FAM135B: variants seen among roughly 807,000 people sequenced by gnomAD.
FAM135B encodes the protein family with sequence similarity 135 member B, also known as protein FAM135B.
Under a neutral mutation model 127.7 loss-of-function variants are expected in FAM135B, and 43 were observed. That is an observed-to-expected ratio of 0.34 (90% CI 0.26 to 0.43). FAM135B has a LOEUF of 0.43. Ranked by LOEUF, FAM135B falls within the 20% of genes least tolerant of loss-of-function variation. The probability of loss-of-function intolerance (pLI) is 1.00; values close to 1 mark genes in which losing one functional copy is unlikely to be tolerated. For missense variants in FAM135B, 1,558 were observed against 1,725.6 expected (o/e 0.90, Z 1.72); for synonymous variants, 670 against 665.1 (o/e 1.01, Z -0.11).
intron 2 of FAM135B, chr8:138,367,258 C>A (rs2131212003): frequency 2.7e-6 from 1 of 369,996 alleles, no homozygotes; most frequent in South Asian, 2.0e-5. Flanking sequence ...AAAGTAGTAG[C>A]AATCATCATG....
intron 1 of FAM135B, among the ~76,000 whole-genome samples, chr8:138,472,036 G>A (rs1218247033): frequency 1.3e-5 from 2 of 152,062 alleles, no homozygotes; most frequent in African/African-American, 2.4e-5. Context: ...CTGGTGATTT[G>A]CAAAAGGGCA....
At chr8:138,488,256 T>G (rs552404431) in intron 1 of FAM135B, among the ~76,000 whole-genome samples, 1 of 152,308 alleles carries the variant, frequency 6.6e-6, no homozygotes, top group African/African-American at 2.4e-5. Context: ...GACAAACATT[T>G]ATTGCACGCT....
At chr8:138,485,159 C>T (rs1814936861) in intron 1 of FAM135B, among the ~76,000 whole-genome samples, 1 of 152,174 alleles carries the variant, frequency 6.6e-6, no homozygotes, top group Non-Finnish European at 1.5e-5. Flanking sequence ...AGAAATTATA[C>T]TCTTATTTCA....
chr8:138,334,490 T>C (rs1828413166), intron 2 of FAM135B, among the ~76,000 whole-genome samples: 1 of 152,196 alleles, frequency 6.6e-6, no homozygotes, highest in Admixed American at 6.5e-5. Context: ...TTCATCACCA[T>C]GGTATTAAGC....
chr8:138,430,082 C>A (rs1380739987), intron 1 of FAM135B, among the ~76,000 whole-genome samples: 3 of 152,136 alleles, frequency 2.0e-5, no homozygotes, highest in Non-Finnish European at 4.4e-5. Flanking sequence ...ATAGTGATTG[C>A]AAATTTAATG....
chr8:138,477,891 T>C (rs1814583604), intron 1 of FAM135B, among the ~76,000 whole-genome samples: 2 of 152,148 alleles, frequency 1.3e-5, no homozygotes, highest in African/African-American at 2.4e-5. Context: ...TGTCTGATTA[T>C]AGAGCAGAGA....
intron 12 of FAM135B, among the ~76,000 whole-genome samples, chr8:138,156,839 G>A (rs1205404601): frequency 2.6e-5 from 4 of 152,116 alleles, no homozygotes; most frequent in Admixed American, 6.6e-5. Context: ...AGGACCAGAC[G>A]GATTCACAGC....
chr8:138,412,524 G>A (rs1216769264), intron 1 of FAM135B, among the ~76,000 whole-genome samples: 1 of 152,164 alleles, frequency 6.6e-6, no homozygotes, highest in Admixed American at 6.5e-5. Flanking sequence ...AGTTATCTTT[G>A]AGGTGACCAG....
chr8:138,357,396 A>G (rs1830157649), intron 2 of FAM135B, among the ~76,000 whole-genome samples: 1 of 152,204 alleles, frequency 6.6e-6, no homozygotes, highest in South Asian at 2.1e-4. Context: ...GAAAATGTTT[A>G]TAACTTGGAA....
chr8:138,380,670 G>A (rs1022212010), intron 1 of FAM135B, among the ~76,000 whole-genome samples: 5 of 151,722 alleles, frequency 3.3e-5, no homozygotes, highest in Admixed American at 1.3e-4. Context: ...TTTGTAGCCC[G>A]TTGATCTTTA....
At chr8:138,228,972 C>G (rs958901665) in intron 7 of FAM135B, among the ~76,000 whole-genome samples, 1 of 152,182 alleles carries the variant, frequency 6.6e-6, no homozygotes, top group Non-Finnish European at 1.5e-5. Flanking sequence ...AAACAGAGCA[C>G]AGCCGCTTTT....
intron 7 of FAM135B, among the ~76,000 whole-genome samples, chr8:138,230,576 C>A (rs1027970607): frequency 2.0e-5 from 3 of 152,152 alleles, no homozygotes; most frequent in East Asian, 3.9e-4. Flanking sequence ...CATGGTTAGA[C>A]ACAAATTCTG....
At chr8:138,465,670 C>T (rs1260420074) in intron 1 of FAM135B, among the ~76,000 whole-genome samples, 1 of 152,186 alleles carries the variant, frequency 6.6e-6, no homozygotes, top group Non-Finnish European at 1.5e-5. Flanking sequence ...CAGCAAAAAG[C>T]CTCTCCCCTC....
At chr8:138,164,579 T>C (rs557967256) in intron 12 of FAM135B, among the ~76,000 whole-genome samples, 2 of 152,352 alleles carry the variant, frequency 1.3e-5, no homozygotes, top group African/African-American at 4.8e-5. Flanking sequence ...TAAATGCATA[T>C]CTGATTACCT....
intron 1 of FAM135B, among the ~76,000 whole-genome samples, chr8:138,397,070 C>T (rs1159192653): frequency 2.6e-5 from 4 of 152,180 alleles, no homozygotes; most frequent in Non-Finnish European, 5.9e-5. Context: ...CAGTTAACCA[C>T]CTAACCAGGT....
intron 7 of FAM135B, among the ~76,000 whole-genome samples, chr8:138,203,684 G>A (rs1817332768): frequency 6.6e-6 from 1 of 152,104 alleles, no homozygotes; most frequent in Non-Finnish European, 1.5e-5. Context: ...CTCGTTTCAT[G>A]GAAGACAATT....
At chr8:138,329,846 TAAG>T (rs981842162) in intron 2 of FAM135B, among the ~76,000 whole-genome samples, 6 of 152,168 alleles carry the variant, frequency 3.9e-5, no homozygotes, top group African/African-American at 1.4e-4. Context: ...GGGTTCCATG[TAAG>T]AAGATCTGGG....
intron 3 of FAM135B, among the ~76,000 whole-genome samples, chr8:138,293,889 T>G (rs1313008218): frequency 6.6e-6 from 1 of 152,156 alleles, no homozygotes. Context: ...ACAATCCCAG[T>G]GGTGGGTATC....
At chr8:138,156,658 A>G (rs1446158679) in intron 12 of FAM135B, among the ~76,000 whole-genome samples, 1 of 152,186 alleles carries the variant, frequency 6.6e-6, no homozygotes, top group African/African-American at 2.4e-5. Context: ...ATCAGAGAAT[A>G]CTAAAAACAC....
Sources: gnomAD v4.1 joint callset for allele counts (sites outside exome capture counted in the v4.1 genomes callset) on GRCh38, gnomAD v4.1.1 for gene constraint, MANE v1.5 for transcripts, NCBI Gene and HGNC (gene_info 2026-07-23, HGNC 2026-07-21) for gene names.